The following MINK1 variants were observed in gnomAD, a reference collection of about 807,000 sequenced individuals.
The protein encoded by MINK1 is misshapen like kinase 1, also known as misshapen-like kinase 1.
Under a neutral mutation model 178.4 loss-of-function variants are expected in MINK1, and 46 were observed. That is an observed-to-expected ratio of 0.26 (90% CI 0.20 to 0.33). The LOEUF is 0.33. Ranked by LOEUF, MINK1 falls within the 10% of genes least tolerant of loss-of-function variation. The pLI is 1.00. For missense variants in MINK1, 1,366 were observed against 1,814.9 expected, an observed-to-expected ratio of 0.75 and a Z score of 4.49; for synonymous variants, 797 against 709.7, an observed-to-expected ratio of 1.12 and a Z score of -1.96.
At position 4,865,707 on chromosome 17, in the gene MINK1, A is replaced by AC. The variant is rs1476682087; in HGVS notation, c.58-12607dup. Among the ~76,000 whole-genome samples, 6 of 121,436 alleles carry AC rather than the reference A, an allele frequency of 4.9e-5. No individual in the cohort carries two copies. In the East Asian group the frequency reaches 1.4e-3, roughly 29 times the overall value. The allele number at this position is 121,436 out of a possible 152,430, so 79.7% of individuals were successfully genotyped here. A position where few individuals can be genotyped will look rare whatever the true frequency, so the allele number is the denominator to read the frequency against. On this transcript the variant is annotated intron_variant, in intron 1 of 31. Coordinates refer to ENST00000355280, the MANE Select transcript of MINK1 (RefSeq NM_153827.5). ...AGACCAGCCTGATCAACACAGGGAG[A>AC]CCCGTCTCTACCAAAAAAAAAAAAA...
At chr17:4,867,566 A>G (rs149691310) in intron 1 of MINK1, among the ~76,000 whole-genome samples, 2,138 of 152,152 alleles carry the variant, frequency 0.014, 19 homozygotes, top group Non-Finnish European at 0.021. Flanking sequence ...TTGGGGGGCT[A>G]AGGTGGGCGG....
chr17:4,873,164 G>A (rs563391403), intron 1 of MINK1, among the ~76,000 whole-genome samples: 3 of 152,158 alleles, frequency 2.0e-5, no homozygotes, highest in African/African-American at 7.2e-5. Flanking sequence ...CTGCTCTCAC[G>A]TGTTGCCCTT....
chr17:4,892,015 ATTC>A (rs1968872565), intron 16 of MINK1, 131 bp from the exon 17 acceptor site: 12 of 805,456 alleles, frequency 1.5e-5, no homozygotes, highest in Non-Finnish European at 2.2e-5. Context: ...CCCTGGACGT[ATTC>A]ACTAACTCCC....
chr17:4,895,873 A>C lies in MINK1; in HGVS notation c.3364+41A>C, dbSNP rs754540613. On this transcript the variant is annotated intron_variant, in intron 27 of 31. Coordinates refer to ENST00000355280, the MANE Select transcript of MINK1 (RefSeq NM_153827.5). This position sits in a 1 kb window ranked among gnomAD's most constrained non-coding sequence, Gnocchi z 4.3. ...CAGAGTGGCCAGCGCATACTTGTTC[A>C]TGAAGAGAGAAATGGATCTGGGAGC... 3.7e-6 allele frequency: 6 copies of C among 1,602,758 alleles called. No individual in the cohort carries two copies. The highest frequency in any genetic ancestry group is 1.6e-4 in the Middle Eastern group (1 of 6,062).
At chr17:4,847,349 C>G (rs1297248560) in intron 1 of MINK1, 1 of 415,228 alleles carries the variant, frequency 2.4e-6, no homozygotes, top group Admixed American at 2.5e-5. Context: ...ATCAATTCTC[C>G]TGCCTCAGCC....
intron 1 of MINK1, chr17:4,859,345 C>T (rs1913737201): frequency 1.0e-6 from 1 of 969,714 alleles, no homozygotes; most frequent in Non-Finnish European, 1.2e-6. Flanking sequence ...ATACCTTTTC[C>T]TAACCTACCT....
Position 4,893,067 on chromosome 17 carries a change from A to T in MINK1, c.2400A>T (p.Ala800=). ...DDHRSRPGRP[A]DFVLLKERTL... ...ACCGCTCACGGCCAGGCCGGCCCGC[A>T]GTGAGTCACCTGGTGGCAGGCATGG... is the stretch of plus-strand genomic sequence containing the variant. Residue 800 remains alanine (A), a splice_region_variant and synonymous_variant, in exon 20 of 32, where the codon GCA becomes GCT. Coordinates refer to ENST00000355280, the MANE Select transcript of MINK1 (RefSeq NM_153827.5). 4 of 1,559,884 alleles carry T rather than the reference A, an allele frequency of 2.6e-6. No homozygotes were observed. Among genetic ancestry groups the T allele is most frequent in the Non-Finnish European group, 3.5e-6 (4 of 1,154,112 alleles).
intron 1 of MINK1, among the ~76,000 whole-genome samples, chr17:4,866,471 T>C (rs1468930542): frequency 7.4e-6 from 1 of 135,280 alleles, no homozygotes; most frequent in Admixed American, 7.3e-5. Flanking sequence ...GTCTCAAAAT[T>C]AAAAAAAAAA....
In MINK1 at chr17:4,894,113, C is replaced by G; in HGVS notation, c.2670+20C>G. The G allele has an allele frequency of 6.2e-7, 1 of 1,603,006 alleles. No homozygotes were observed. On this transcript the variant is annotated intron_variant, in intron 22 of 31. Transcript: ENST00000355280. This position sits in a 1 kb window ranked among gnomAD's most constrained non-coding sequence, Gnocchi z 4.1. ...CAGCGCGTGAGTGAGCCTCTGCTCC[C>G]TCCCCTGTACCTGTGTGTGCCCTCC...
intron 19 of MINK1, 46 bp downstream of exon 19, chr17:4,892,814 A>C: frequency 6.5e-7 from 1 of 1,527,756 alleles, no homozygotes; most frequent in East Asian, 2.3e-5. Flanking sequence ...CTGGGGGCTT[A>C]TCACCATGGA....
At chr17:4,891,383 C>G in intron 15 of MINK1, 73 bp from the exon 16 acceptor site, 1 of 1,494,944 alleles carries the variant, frequency 6.7e-7, no homozygotes, top group Non-Finnish European at 8.9e-7. Context: ...TCCTTTCCCA[C>G]CCCAGACCCC....
Position 4,890,700 on chromosome 17 carries a change from A to G in MINK1, c.1531A>G (p.Met511Val), listed in dbSNP as rs1251340765. Reference sequence around the variant, plus strand: ...GCCCCTGTACCATTATGGTCGGGGCATGAATCCCGCTGACAAACCAGCCTG... The same window carrying G: ...GCCCCTGTACCATTATGGTCGGGGCGTGAATCCCGCTGACAAACCAGCCTG... ...RKPLYHYGRG[M>V]NPADKPAWAR... Residue 511 changes from methionine to valine, a missense_variant, in exon 14 of 32, where the codon ATG becomes GTG. By Grantham distance (21) the Met-to-Val change is conservative (BLOSUM62 1). Transcript: ENST00000355280. 3.2e-6 allele frequency: 5 copies of G among 1,549,308 alleles called. No individual in the cohort carries two copies. The highest frequency in any genetic ancestry group is 4.4e-6 in the Non-Finnish European group (5 of 1,146,034).
intron 1 of MINK1, among the ~76,000 whole-genome samples, chr17:4,855,485 CA>C (rs151339855): frequency 1.7e-4 from 16 of 92,400 alleles, no homozygotes; most frequent in African/African-American, 5.0e-4. Flanking sequence ...GACTCCATCT[CA>C]AAAAAAAAAA....
chr17:4,843,347 AG>A (rs1488995525), intron 1 of MINK1, among the ~76,000 whole-genome samples: 3 of 151,988 alleles, frequency 2.0e-5, no homozygotes, highest in Non-Finnish European at 2.9e-5. Context: ...GCATGGTGGG[AG>A]GCACCTGTAA....
At chr17:4,884,868 C>G in intron 5 of MINK1, 44 bp from the exon 6 acceptor site, 1 of 1,561,960 alleles carries the variant, frequency 6.4e-7, no homozygotes, top group Non-Finnish European at 8.8e-7. Context: ...TCTTTCCTAC[C>G]CCATCCAACA....
chr17:4,894,359 TG>T lies in MINK1; in HGVS notation c.2808+51del, dbSNP rs1969204368. ...CGCCGGGAGAGAAGAGCCCTGGCGA[TG>T]GGCAGGAGGTCCCGGTGCTGGGTAA... On this transcript the variant is annotated intron_variant, in intron 23 of 31. Transcript: ENST00000355280. This position sits in a 1 kb window ranked among gnomAD's most constrained non-coding sequence, Gnocchi z 4.1. The T allele has an allele frequency of 1.9e-6, 3 of 1,590,188 alleles. No homozygotes were observed. Among genetic ancestry groups the T allele is most frequent in the Non-Finnish European group, 2.6e-6 (3 of 1,169,760 alleles).
intron 16 of MINK1, 71 bp from the exon 17 acceptor site, chr17:4,892,078 A>T (rs1968879269): frequency 1.5e-6 from 2 of 1,295,650 alleles, no homozygotes; most frequent in Admixed American, 4.2e-5. Context: ...CACCTCTCAG[A>T]GGTGAGGCTT....
intron 19 of MINK1, 62 bp downstream of exon 19, chr17:4,892,830 C>A: frequency 6.8e-7 from 1 of 1,478,398 alleles, no homozygotes; most frequent in Non-Finnish European, 9.2e-7. Flanking sequence ...ATGGACCCTG[C>A]CTTTGGTGGC....
chr17:4,883,552 G>T (rs1383520547), intron 4 of MINK1, among the ~76,000 whole-genome samples: 1 of 151,350 alleles, frequency 6.6e-6, no homozygotes, highest in Non-Finnish European at 1.5e-5. Flanking sequence ...TGTTTTTTGA[G>T]ACAGAGTCTC....
Sources: gnomAD v4.1 joint callset for allele counts (sites outside exome capture counted in the v4.1 genomes callset) on GRCh38, gnomAD v4.1.1 for gene constraint, Gnocchi (gnomAD v3.1) non-coding constraint, MANE v1.5 for transcripts, NCBI Gene and HGNC (gene_info 2026-07-23, HGNC 2026-07-21) for gene names.